The following RBMS3 variants were observed in gnomAD, a reference collection of about 807,000 sequenced individuals.
The protein encoded by RBMS3 is RNA-binding motif, single-stranded-interacting protein 3.
Under a neutral mutation model 66.8 loss-of-function variants are expected in RBMS3, and 27 were observed. That is an observed-to-expected ratio of 0.40 (90% CI 0.30 to 0.56). The LOEUF is 0.56. RBMS3 is among the 20% of genes least tolerant of loss of function. The pLI, the probability that RBMS3 is intolerant of heterozygous loss-of-function variation, is 0.40. For synonymous variants in RBMS3, 188 were observed against 183.0 expected (o/e 1.03, Z -0.22); for missense variants, 513 against 549.5 (o/e 0.93, Z 0.66).
chr3:29,956,124 T>C (rs1696026299), intron 12 of RBMS3, among the ~76,000 whole-genome samples: 1 of 152,108 alleles, frequency 6.6e-6, no homozygotes, highest in Admixed American at 6.6e-5. Flanking sequence ...AGTATAATCT[T>C]CAAGCTACTT....
intron 1 of RBMS3, among the ~76,000 whole-genome samples, chr3:29,320,644 TGTTA>T (rs924632000): frequency 4.6e-5 from 7 of 152,184 alleles, no homozygotes; most frequent in African/African-American, 7.2e-5. Flanking sequence ...TTCTATTTTA[TGTTA>T]GTTATTTATT....
At chr3:29,368,190 A>G (rs1041792344) in intron 1 of RBMS3, among the ~76,000 whole-genome samples, 2 of 152,178 alleles carry the variant, frequency 1.3e-5, no homozygotes, top group Non-Finnish European at 2.9e-5. Flanking sequence ...ATAGCTTACC[A>G]ATGGAAGTTA....
intron 2 of RBMS3, among the ~76,000 whole-genome samples, chr3:29,454,698 A>G (rs2042123125): frequency 6.6e-6 from 1 of 152,168 alleles, no homozygotes. Context: ...GTATTCTGCC[A>G]TGGTAAAAAT....
intron 2 of RBMS3, among the ~76,000 whole-genome samples, chr3:29,451,724 C>T (rs2042023693): frequency 6.6e-6 from 1 of 152,196 alleles, no homozygotes; most frequent in African/African-American, 2.4e-5. Flanking sequence ...TGTGCTTATT[C>T]ATTTATGCCT....
intron 1 of RBMS3, among the ~76,000 whole-genome samples, chr3:29,424,771 C>CA (rs1170786660): frequency 2.0e-5 from 3 of 152,110 alleles, no homozygotes; most frequent in Non-Finnish European, 4.4e-5. Flanking sequence ...TTATTTCTAT[C>CA]ATCCCTTTGC....
intron 1 of RBMS3, among the ~76,000 whole-genome samples, chr3:29,390,169 A>G (rs2039223024): frequency 6.6e-6 from 1 of 152,194 alleles, no homozygotes. Context: ...TAACAAAGCT[A>G]TGGGAGACTT....
At chr3:29,939,701 G>A (rs979242904) in intron 11 of RBMS3, among the ~76,000 whole-genome samples, 1 of 151,768 alleles carries the variant, frequency 6.6e-6, no homozygotes, top group Non-Finnish European at 1.5e-5. Context: ...AGATTGGTAA[G>A]CCAGAGCTTC....
intron 1 of RBMS3, among the ~76,000 whole-genome samples, chr3:29,362,703 A>G (rs1366321250): frequency 6.6e-6 from 1 of 152,184 alleles, no homozygotes; most frequent in Non-Finnish European, 1.5e-5. Flanking sequence ...TTCTTCCAAA[A>G]TTCCATAGTT....
intron 10 of RBMS3, among the ~76,000 whole-genome samples, chr3:29,906,220 G>C (rs888802451): frequency 6.6e-6 from 1 of 151,864 alleles, no homozygotes; most frequent in African/African-American, 2.4e-5. Context: ...TTTTTGCTGT[G>C]GCTATAACAA....
At chr3:29,286,369 AT>A (rs200834709) in intron 1 of RBMS3, among the ~76,000 whole-genome samples, 2 of 151,580 alleles carry the variant, frequency 1.3e-5, no homozygotes, top group South Asian at 2.1e-4. Flanking sequence ...ATGTTTTGCT[AT>A]TTTTTTTCCA....
chr3:29,878,516 C>T (rs1193468556), intron 7 of RBMS3, among the ~76,000 whole-genome samples: 1 of 152,008 alleles, frequency 6.6e-6, no homozygotes, highest in Non-Finnish European at 1.5e-5. Context: ...CTCACCTTGA[C>T]CCTTCTGGTT....
chr3:29,674,411 A>G (rs937867644), intron 4 of RBMS3, among the ~76,000 whole-genome samples: 1 of 152,166 alleles, frequency 6.6e-6, no homozygotes, highest in Admixed American at 6.5e-5. Flanking sequence ...CAGGGTAATC[A>G]GGCGGGAGAA....
chr3:29,784,499 A>C (rs2056751587), intron 6 of RBMS3, among the ~76,000 whole-genome samples: 1 of 152,074 alleles, frequency 6.6e-6, no homozygotes, highest in Admixed American at 6.6e-5. Context: ...AATAATAGTA[A>C]CACAACCTAT....
intron 3 of RBMS3, among the ~76,000 whole-genome samples, chr3:29,540,525 A>G (rs1229344690): frequency 6.6e-6 from 1 of 152,150 alleles, no homozygotes; most frequent in African/African-American, 2.4e-5. Context: ...CTGCTAGCTA[A>G]CATATATTGT....
chr3:29,953,872 C>A (rs1238830677), intron 12 of RBMS3, among the ~76,000 whole-genome samples: 1 of 151,850 alleles, frequency 6.6e-6, no homozygotes, highest in Non-Finnish European at 1.5e-5. Context: ...ATGAGAAGAT[C>A]AGTACCACAT....
intron 4 of RBMS3, among the ~76,000 whole-genome samples, chr3:29,652,121 C>T (rs556283482): frequency 1.4e-4 from 21 of 152,030 alleles, no homozygotes; most frequent in Non-Finnish European, 2.6e-4. Flanking sequence ...TCTTTCATCC[C>T]GAACAATTTA....
intron 4 of RBMS3, among the ~76,000 whole-genome samples, chr3:29,597,588 C>A (rs914085089): frequency 1.3e-5 from 2 of 152,070 alleles, no homozygotes; most frequent in Admixed American, 6.6e-5. Context: ...AGTCTGCTGG[C>A]TAAATCAGTG....
intron 4 of RBMS3, 150 bp downstream of exon 4, chr3:29,587,355 C>A (rs761682768): frequency 6.2e-6 from 3 of 482,724 alleles, no homozygotes; most frequent in Non-Finnish European, 1.0e-5. Flanking sequence ...CTCACTCAAA[C>A]GTGGAGTTTG....
intron 2 of RBMS3, among the ~76,000 whole-genome samples, chr3:29,486,300 CAAA>C (rs2043314427): frequency 6.6e-6 from 1 of 152,044 alleles, no homozygotes; most frequent in Non-Finnish European, 1.5e-5. Flanking sequence ...CCTAGCTTTG[CAAA>C]TTAATTGTTA....
Sources: gnomAD v4.1 joint callset for allele counts (sites outside exome capture counted in the v4.1 genomes callset) on GRCh38, gnomAD v4.1.1 for gene constraint, MANE v1.5 for transcripts, NCBI Gene and HGNC (gene_info 2026-07-23, HGNC 2026-07-21) for gene names.